RPL35A: variants seen among roughly 807,000 people sequenced by gnomAD.
RPL35A encodes the protein ribosomal protein L35a.
A neutral mutation model predicts 16.7 loss-of-function variants in RPL35A; 1 was observed. That is an observed-to-expected ratio of 0.06 (90% CI 0.02 to 0.28). RPL35A has a LOEUF of 0.28. Ranked by LOEUF, RPL35A falls within the 10% of genes least tolerant of loss-of-function variation. The pLI is 1.00. For synonymous variants in RPL35A, 58 were observed against 47.0 expected (o/e 1.23, Z -0.96); for missense variants, 91 against 138.7 (o/e 0.66, Z 1.73).
In RPL35A at chr3:197,950,216, G is replaced by C; in HGVS notation, c.-38G>C. On this transcript the variant is annotated 5_prime_UTR_variant, in exon 1 of 5. Transcript: ENST00000647248. ...TTCTCTTACCGCCATCTTGGCTCCT[G>C]TGGAGGTGAGTGAAGGGTCTGCTGC... 2 of 1,231,432 alleles carry C rather than the reference G, an allele frequency of 1.6e-6. No individual in the cohort carries two copies. Among genetic ancestry groups the C allele is most frequent in the African/African-American group, 1.5e-5 (1 of 64,552 alleles). 76.3% of individuals were successfully genotyped at this position (1,231,432 alleles called of 1,614,324 possible).
rs112242696 is a variant in RPL35A, at chr3:197,953,453, C to T, written c.165-550C>T. On this transcript the variant is annotated intron_variant, in intron 3 of 4. Transcript: ENST00000647248. ...TAGTTTCTCTCATTCAGTAAAAGCCCGTCATTAAGAGCTCCATAATTCTCT... is the reference window on the plus strand; with the variant it reads ...TAGTTTCTCTCATTCAGTAAAAGCCTGTCATTAAGAGCTCCATAATTCTCT... The T allele has an allele frequency of 1.9e-4, 85 of 456,744 alleles. 1 individual carries two copies. The highest frequency in any genetic ancestry group is 1.1e-3 in the African/African-American group (55 of 50,184). 28.3% of individuals were successfully genotyped at this position (456,744 alleles called of 1,614,324 possible).
At chr3:197,952,162 G>GGTT (rs1553810814) in intron 3 of RPL35A, among the ~76,000 whole-genome samples, 32 of 83,890 alleles carry the variant, frequency 3.8e-4, no homozygotes, top group African/African-American at 1.6e-3. Context: ...AAAATTATGG[G>GGTT]TTTTTTTTTT....
At chr3:197,955,600 TTC>T in intron 4 of RPL35A, 148 bp from the exon 5 acceptor site, 1 of 728,306 alleles carries the variant, frequency 1.4e-6, no homozygotes, top group Non-Finnish European at 2.5e-6. Flanking sequence ...TTACGGTATG[TTC>T]ACGTAGAGAC....
In RPL35A at chr3:197,954,012, C is replaced by T. The variant is rs1560123145; in HGVS notation, c.174C>T (p.Val58=). 4.3e-6 allele frequency: 7 copies of T among 1,612,992 alleles called. No individual in the cohort carries two copies. Among genetic ancestry groups the T allele is most frequent in the Non-Finnish European group, 5.1e-6 (6 of 1,179,952 alleles). ...CCCTTTTTAAAATCAGCAACACAGT[C>T]ACTCCTGGCGGCAAACCAAACAAAA... ...AYVYKAKNNT[V]TPGGKPNKTR... Residue 58 remains valine (V), a synonymous_variant, in exon 4 of 5, where the codon GTC becomes GTT. Transcript: ENST00000647248.
chr3:197,951,462 C>A, intron 3 of RPL35A, 151 bp downstream of exon 3: 1 of 783,778 alleles, frequency 1.3e-6, no homozygotes. Flanking sequence ...AAGCAAGTGT[C>A]CTGTCTCAGC....
intron 3 of RPL35A, 71 bp from the exon 4 acceptor site, chr3:197,953,932 G>A (rs1720325550): frequency 1.3e-6 from 2 of 1,544,060 alleles, no homozygotes; most frequent in African/African-American, 1.4e-5. Context: ...AGCCACTCGT[G>A]TAGAGGTCAC....
rs771847396 is a variant in RPL35A at position 197,951,299 on chromosome 3, A to G, written c.152A>G (p.Tyr51Cys). ...TTGGGCAAGAGATGCGCTTATGTAT[A>G]TAAAGCAAAGAAGTAAGTTTATGAC... ...FYLGKRCAYV[Y>C]KAKNNTVTPG... Residue 51 changes from tyrosine (Y) to cysteine (C), a missense_variant, in exon 3 of 5, where the codon TAT (tyrosine) becomes TGT (cysteine). Coordinates refer to ENST00000647248, the MANE Select transcript of RPL35A (RefSeq NM_000996.4). 3 of 1,613,946 alleles carry G rather than the reference A, an allele frequency of 1.9e-6. No homozygotes were observed. Among genetic ancestry groups the G allele is most frequent in the African/African-American group, 1.3e-5 (1 of 74,936 alleles).
In RPL35A at chr3:197,950,994, A is replaced by G. The variant is rs1720022911; in HGVS notation, c.11+16A>G. ...TGTCTGGAAGGTACGCGTTTTAAATATAGTTCTTTATTTTTGTGTGTTAGA... is the reference window on the plus strand; with the variant it reads ...TGTCTGGAAGGTACGCGTTTTAAATGTAGTTCTTTATTTTTGTGTGTTAGA... On this transcript the variant is annotated intron_variant, in intron 2 of 4. Coordinates refer to ENST00000647248, the MANE Select transcript of RPL35A (RefSeq NM_000996.4). 2 of 1,613,020 alleles carry G rather than the reference A, an allele frequency of 1.2e-6. No individual in the cohort carries two copies. The highest frequency in any genetic ancestry group is 1.3e-5 in the African/African-American group (1 of 75,024).
chr3:197,951,651 C>T (rs1720100670), intron 3 of RPL35A: 1 of 294,326 alleles, frequency 3.4e-6, no homozygotes, highest in Non-Finnish European at 6.6e-6. Flanking sequence ...CCGCGCCTGG[C>T]CTCATTATCC....
At chr3:197,953,028 T>G (rs1161257125) in intron 3 of RPL35A, among the ~76,000 whole-genome samples, 1 of 151,932 alleles carries the variant, frequency 6.6e-6, no homozygotes, top group Non-Finnish European at 1.5e-5. Context: ...CTCGAACTCC[T>G]GACCTCGTGA....
intron 1 of RPL35A, chr3:197,950,540 G>A: frequency 9.6e-6 from 3 of 313,552 alleles, no homozygotes; most frequent in Non-Finnish European, 1.7e-5. Context: ...ACCTTCCTTG[G>A]CTTGTCTGAC....
chr3:197,951,979 T>A (rs546176634), intron 3 of RPL35A, among the ~76,000 whole-genome samples: 16 of 152,254 alleles, frequency 1.1e-4, no homozygotes, highest in South Asian at 8.3e-4. Context: ...TAGAAGGACG[T>A]TACTTCTGAG....
Position 197,950,965 on chromosome 3 carries a change from A to G in RPL35A, c.-3A>G, listed in dbSNP as rs1720020217. The G allele has an allele frequency of 9.9e-6, 16 of 1,614,056 alleles. No individual in the cohort carries two copies. The East Asian group carries it at 1.3e-4, about 13-fold the overall frequency. ...GCTGGGAACGGGACTTCTAAAAGGA[A>G]CTATGTCTGGAAGGTACGCGTTTTA... On this transcript the variant is annotated 5_prime_UTR_variant, in exon 2 of 5. Coordinates refer to ENST00000647248, the MANE Select transcript of RPL35A (RefSeq NM_000996.4).
chr3:197,956,159 C>A lies in RPL35A; in HGVS notation c.*386C>A, dbSNP rs1030646290. ...TTTTGTAGAGAGGGTCTGACTCTTG[C>A]CTATGCTGGCTTCAAACTCCTGGGC... On this transcript the variant is annotated 3_prime_UTR_variant, in exon 5 of 5. Transcript: ENST00000647248. 1.2e-5 allele frequency: 3 copies of A among 250,292 alleles called. No individual in the cohort carries two copies. The highest frequency in any genetic ancestry group is 4.9e-5 in the Admixed American group (1 of 20,360). The allele number at this position is 250,292 out of a possible 1,614,324, so 15.5% of individuals were successfully genotyped here.
In RPL35A at chr3:197,954,143, G is replaced by A. The variant is rs761480425; in HGVS notation, c.305G>A (p.Arg102Gln). The A allele has an allele frequency of 6.2e-7, 1 of 1,614,192 alleles. No homozygotes were observed. Residue 102 changes from arginine (R) to glutamine (Q), a missense_variant, in exon 4 of 5, where the codon CGA (arginine) becomes CAA (glutamine). Arg to Gln is a conservative substitution (Grantham distance 43). Coordinates refer to ENST00000647248, the MANE Select transcript of RPL35A (RefSeq NM_000996.4). ...GCTAAGGCCATTGGACACAGAATCC[G>A]AGTGGTGAGTATGGTTTTTAGCAAA... ...LPAKAIGHRI[R>Q]VMLYPSRI
At chr3:197,952,836 CT>C (rs113975470) in intron 3 of RPL35A, among the ~76,000 whole-genome samples, 3,516 of 143,742 alleles carry the variant, frequency 0.024, 119 homozygotes, top group African/African-American at 0.071. Flanking sequence ...ATGCTGTAGA[CT>C]TTTTTTTTTT....
Position 197,950,958 on chromosome 3 carries a change from A to G in RPL35A, c.-10A>G. ...AAGGCCTGCTGGGAACGGGACTTCT[A>G]AAAGGAACTATGTCTGGAAGGTACG... On this transcript the variant is annotated 5_prime_UTR_variant, in exon 2 of 5. Coordinates refer to ENST00000647248, the MANE Select transcript of RPL35A (RefSeq NM_000996.4). The G allele has an allele frequency of 2.5e-6, 4 of 1,614,140 alleles. No homozygotes were observed. The highest frequency in any genetic ancestry group is 1.1e-5 in the South Asian group (1 of 91,090).
At chr3:197,954,196 T>C (rs1474224448) in intron 4 of RPL35A, 49 bp downstream of exon 4, 2 of 1,604,648 alleles carry the variant, frequency 1.2e-6, no homozygotes, top group Non-Finnish European at 1.7e-6. Context: ...CAGACTAGGT[T>C]CAAGGTGTTG....
In RPL35A at chr3:197,954,326, T is replaced by C. The variant is rs1316290988; in HGVS notation, c.309+179T>C. On this transcript the variant is annotated intron_variant, in intron 4 of 4. Coordinates refer to ENST00000647248, the MANE Select transcript of RPL35A (RefSeq NM_000996.4). ...ATTGAAAGAATTAGGTGTTTGGTTG[T>C]TTGTTTTTTGTTTTTTTTTTGGGGG... 26 of 690,144 alleles carry C rather than the reference T, an allele frequency of 3.8e-5. 1 individual carries two copies. In the South Asian group the frequency reaches 4.4e-4, roughly 12 times the overall value. 42.8% of individuals were successfully genotyped at this position (690,144 alleles called of 1,614,324 possible).
Sources: gnomAD v4.1 joint callset for allele counts (sites outside exome capture counted in the v4.1 genomes callset) on GRCh38, gnomAD v4.1.1 for gene constraint, MANE v1.5 for transcripts, NCBI Gene and HGNC (gene_info 2026-07-23, HGNC 2026-07-21) for gene names.